SORBS2: variants seen among roughly 807,000 people sequenced by gnomAD.
The protein encoded by SORBS2 is sorbin and SH3 domain-containing protein 2.
Under a neutral mutation model 97.7 loss-of-function variants are expected in SORBS2, and 46 were observed. The ratio of observed to expected loss-of-function variants is 0.47; its 90% confidence interval spans 0.37 to 0.60. The LOEUF (loss-of-function observed/expected upper bound fraction) is 0.60, where lower values mean the gene tolerates loss of function less well. SORBS2 is among the 20% of genes least tolerant of loss of function. SORBS2 has a pLI of 0.00. For synonymous variants in SORBS2, 476 were observed against 473.4 expected (o/e 1.01, Z -0.07); for missense variants, 1,316 against 1,282.3 (o/e 1.03, Z -0.40).
chr4:185,639,902 C>T (rs2097098504), intron 4 of SORBS2, among the ~76,000 whole-genome samples: 1 of 152,162 alleles, frequency 6.6e-6, no homozygotes, highest in Non-Finnish European at 1.5e-5. Context: ...GAAAAAAATG[C>T]TATGTAACCT....
At chr4:185,920,107 G>A (rs1484557998) in intron 1 of SORBS2, among the ~76,000 whole-genome samples, 1 of 152,206 alleles carries the variant, frequency 6.6e-6, no homozygotes, top group Non-Finnish European at 1.5e-5. Context: ...TTTCAAAATA[G>A]TGGTACACAA....
rs778250705 is a variant in SORBS2 at position 185,623,437 on chromosome 4, C to T, written c.1692G>A (p.Arg564=). The T allele has an allele frequency of 1.1e-5, 18 of 1,611,698 alleles. No individual in the cohort carries two copies. In the South Asian group the frequency reaches 1.9e-4, roughly 17 times the overall value. ...TAAATCGAGTGTAGGAGGCCGGGCACCTGCCTTTGCAGGAGCTGATGAGGT... is the reference window on the plus strand; with the variant it reads ...TAAATCGAGTGTAGGAGGCCGGGCATCTGCCTTTGCAGGAGCTGATGAGGT... Residue 564 remains arginine (R), a synonymous_variant, in exon 7 of 15, where the codon AGG becomes AGA. Transcript: ENST00000418609. This position sits in a 1 kb window ranked among gnomAD's most constrained non-coding sequence, Gnocchi z 6.4.
chr4:185,945,806 C>T (rs191672834), intron 1 of SORBS2, among the ~76,000 whole-genome samples: 263 of 152,156 alleles, frequency 1.7e-3, no homozygotes, highest in Admixed American at 3.6e-3. Context: ...GCCATGTGCC[C>T]GGAAATGGAG....
chr4:185,888,317 G>A (rs973651484), intron 1 of SORBS2, among the ~76,000 whole-genome samples: 107 of 152,222 alleles, frequency 7.0e-4, no homozygotes, highest in African/African-American at 2.5e-3. Context: ...CCCTAGAAAC[G>A]AGGGGTGGTG....
chr4:185,861,004 T>G lies in SORBS2; in HGVS notation c.-337-85638A>C, dbSNP rs148759594. On this transcript the variant is annotated intron_variant, in intron 1 of 20. Coordinates refer to the SORBS2 transcript ENST00000284776. Reference sequence around the variant, plus strand: ...GGGGTTCTCTGTAGAATGCAGACTTTCCCCATGAGACAGCTTTGCTGGGCC... The same window carrying G: ...GGGGTTCTCTGTAGAATGCAGACTTGCCCCATGAGACAGCTTTGCTGGGCC... 4.4e-3 allele frequency among the ~76,000 whole-genome samples: 676 copies of G among 152,296 alleles called. 7 individuals carry two copies. The highest frequency in any genetic ancestry group is 0.014 in the African/African-American group (596 of 41,566).
intron 12 of SORBS2, among the ~76,000 whole-genome samples, chr4:185,598,402 C>G (rs770614253): frequency 1.3e-5 from 2 of 152,168 alleles, no homozygotes; most frequent in African/African-American, 2.4e-5. Context: ...AAGCCAGAAC[C>G]AATCACAAGT....
At chr4:185,896,451 G>A (rs1369308818) in intron 1 of SORBS2, among the ~76,000 whole-genome samples, 1 of 152,112 alleles carries the variant, frequency 6.6e-6, no homozygotes, top group Non-Finnish European at 1.5e-5. Flanking sequence ...GGGTTTGTTG[G>A]TGCACGCCTG....
At chr4:185,875,346 T>C (rs1228641464) in intron 1 of SORBS2, among the ~76,000 whole-genome samples, 1 of 152,202 alleles carries the variant, frequency 6.6e-6, no homozygotes, top group Non-Finnish European at 1.5e-5. Context: ...CAAAACATCA[T>C]GTTAGTATAC....
chr4:185,712,884 T>A (rs112983834), intron 2 of SORBS2, among the ~76,000 whole-genome samples: 9,200 of 152,170 alleles, frequency 0.06, 434 homozygotes, highest in African/African-American at 0.13. Flanking sequence ...CTTTAAAATC[T>A]CTCCAGAACC....
chr4:185,711,073 G>A (rs373173963), intron 2 of SORBS2, among the ~76,000 whole-genome samples: 4 of 152,106 alleles, frequency 2.6e-5, no homozygotes, highest in African/African-American at 9.7e-5. Flanking sequence ...GGATTCAAGG[G>A]ACCCTCCCAC....
intron 4 of SORBS2, among the ~76,000 whole-genome samples, chr4:185,667,218 A>G (rs1339967689): frequency 6.6e-6 from 1 of 152,218 alleles, no homozygotes; most frequent in Non-Finnish European, 1.5e-5. Flanking sequence ...GGCCAGAGGT[A>G]TTGTGAGATA....
intron 1 of SORBS2, among the ~76,000 whole-genome samples, chr4:185,849,584 T>C (rs576873487): frequency 6.7e-4 from 102 of 152,120 alleles, no homozygotes; most frequent in African/African-American, 2.4e-3. Flanking sequence ...GCCTAAACCC[T>C]GTCCTGTCTC....
At chr4:185,594,987 T>C (rs1346494936) in intron 12 of SORBS2, among the ~76,000 whole-genome samples, 1 of 152,136 alleles carries the variant, frequency 6.6e-6, no homozygotes, top group African/African-American at 2.4e-5. Flanking sequence ...TAGTTATGAG[T>C]GGATTACTGA....
chr4:185,693,157 A>G (rs961920513), intron 2 of SORBS2, among the ~76,000 whole-genome samples: 2 of 152,192 alleles, frequency 1.3e-5, no homozygotes, highest in Non-Finnish European at 2.9e-5. Flanking sequence ...ACAGACTCTG[A>G]AAAATGATTG....
chr4:185,838,209 GGCCTTAGCTTCCT>G, intron 1 of SORBS2, among the ~76,000 whole-genome samples: 2 of 152,362 alleles, frequency 1.3e-5, no homozygotes, highest in African/African-American at 4.8e-5. Flanking sequence ...CCCGCCCACA[GGCCTTAGCTTCCT>G]GCCCAGCTTC....
chr4:185,629,560 ATTTGTTTTTTT>A (rs1320877394), intron 5 of SORBS2, among the ~76,000 whole-genome samples: 2 of 134,084 alleles, frequency 1.5e-5, no homozygotes, highest in Non-Finnish European at 3.1e-5. Context: ...GAATTTTGTG[ATTTGTTTTTTT>A]TTTTTTTTTT....
exon 7 of SORBS2, chr4:185,624,082 G>T (rs553201967): frequency 6.2e-7 from 1 of 1,614,190 alleles, no homozygotes. Flanking sequence ...ACCCCGGGGC[G>T]TTGCGGGCTG....
At chr4:185,822,834 G>A (rs2099197591) in intron 1 of SORBS2, among the ~76,000 whole-genome samples, 1 of 152,166 alleles carries the variant, frequency 6.6e-6, no homozygotes, top group Admixed American at 6.5e-5. Context: ...AACGCCGGGA[G>A]TATAAAGATT....
At chr4:185,706,749 A>G (rs1188733151) in intron 2 of SORBS2, among the ~76,000 whole-genome samples, 1 of 152,118 alleles carries the variant, frequency 6.6e-6, no homozygotes, top group Non-Finnish European at 1.5e-5. Flanking sequence ...CTAAAAGCAC[A>G]TTTATTTTAG....
Sources: allele counts gnomAD v4.1 joint callset (sites outside exome capture counted in the v4.1 genomes callset), GRCh38; gene constraint gnomAD v4.1.1; non-coding constraint Gnocchi (gnomAD v3.1); transcripts MANE v1.5; gene names NCBI Gene and HGNC (gene_info 2026-07-23, HGNC 2026-07-21).